EFCAB8: variants seen among roughly 807,000 people sequenced by gnomAD.
The protein encoded by EFCAB8 is EF-hand calcium binding domain 8, also known as EF-hand calcium-binding domain-containing protein 8.
In EFCAB8, 100 loss-of-function variants were observed where a neutral mutation model predicts 116.3. The observed-to-expected ratio is 0.86, with a 90% CI of 0.73 to 1.02. The LOEUF (loss-of-function observed/expected upper bound fraction) is 1.02. EFCAB8 is among the 50% of genes least tolerant of loss of function. The pLI is 0.00. For missense variants in EFCAB8, 1,320 were observed against 1,416.9 expected, an observed-to-expected ratio of 0.93 and a Z score of 1.10; for synonymous variants, 558 against 567.9, an observed-to-expected ratio of 0.98 and a Z score of 0.25.
intron 26 of EFCAB8, 149 bp from the exon 27 acceptor site, chr20:32,960,987 G>A (rs1169861062): frequency 4.4e-6 from 3 of 685,850 alleles, no homozygotes; most frequent in Non-Finnish European, 7.5e-6. Flanking sequence ...AGGCCACGGT[G>A]GTTAGTGGTA....
At position 32,961,528 on chromosome 20, in the gene EFCAB8, C is replaced by T; in HGVS notation, c.3786C>T (p.Val1262=). Residue 1262 remains valine, a synonymous_variant, in exon 27 of 27, where the codon GTC becomes GTT. Transcript: ENST00000400522. ...LQGSVTPKHI[V]SSFERPPRPL... ...GGTCAGTGACCCCCAAGCACATTGTCTCCTCCTTCGAGCGGCCCCCAAGGC... is the reference window on the plus strand; with the variant it reads ...GGTCAGTGACCCCCAAGCACATTGTTTCCTCCTTCGAGCGGCCCCCAAGGC... The T allele has an allele frequency of 2.1e-6, 3 of 1,417,072 alleles. No individual in the cohort carries two copies. Among genetic ancestry groups the T allele is most frequent in the South Asian group, 1.7e-5 (1 of 57,568 alleles). 87.8% of individuals were successfully genotyped at this position (1,417,072 alleles called of 1,614,324 possible). A position where few individuals can be genotyped will look rare whatever the true frequency, so the allele number is the denominator to read the frequency against.
rs35227113 is a variant in EFCAB8, at chr20:32,880,272, C to CTT, written c.431+1478_431+1479dup. On this transcript the variant is annotated intron_variant, in intron 5 of 26. Transcript: ENST00000400522. ...TTGAATGAAAGTCACCCAAGGGTAA[C>CTT]TTTTTTTTTTTTTTGAGACAGAGTC... Among the ~76,000 whole-genome samples the CTT allele has an allele frequency of 4.1e-3, 594 of 145,682 alleles. 3 individuals carry two copies. Among genetic ancestry groups the CTT allele is most frequent in the African/African-American group, 0.012 (487 of 39,684 alleles).
rs181666852 is a variant in EFCAB8 at position 32,942,533 on chromosome 20, C to A, written c.2791-1103C>A. On this transcript the variant is annotated intron_variant, in intron 22 of 26. Coordinates refer to ENST00000400522, the MANE Select transcript of EFCAB8 (RefSeq NM_001143967.2). ...GAGACCCCATCTCTAAAAAAAAAAA[C>A]CAATAAAAATATATTAAAAGATTAA... Among the ~76,000 whole-genome samples the A allele has an allele frequency of 5.0e-3, 750 of 151,238 alleles. 6 individuals are homozygous for A. The highest frequency in any genetic ancestry group is 0.017 in the African/African-American group (688 of 41,256).
chr20:32,875,346 T>C (rs1174717774), intron 3 of EFCAB8, among the ~76,000 whole-genome samples: 2 of 151,742 alleles, frequency 1.3e-5, no homozygotes, highest in Non-Finnish European at 2.9e-5. Context: ...GGGGCTGGAT[T>C]TGAGGTTTGA....
At chr20:32,947,790 A>G (rs1466972642) in intron 23 of EFCAB8, among the ~76,000 whole-genome samples, 1 of 152,010 alleles carries the variant, frequency 6.6e-6, no homozygotes, top group Non-Finnish European at 1.5e-5. Context: ...ACATTAAGAA[A>G]CTAGAAAGAG....
intron 7 of EFCAB8, among the ~76,000 whole-genome samples, chr20:32,891,605 A>G (rs1211885716): frequency 2.0e-5 from 3 of 152,218 alleles, no homozygotes; most frequent in African/African-American, 4.8e-5. Context: ...GACAAGGCCA[A>G]AAGCAGAGGT....
At chr20:32,919,577 A>G (rs772703402) in intron 19 of EFCAB8, among the ~76,000 whole-genome samples, 12 of 151,868 alleles carry the variant, frequency 7.9e-5, no homozygotes, top group Non-Finnish European at 1.5e-4. Flanking sequence ...GCTCAGTGCA[A>G]CCTCTGTCTC....
At chr20:32,925,013 C>T (rs201513355) in intron 20 of EFCAB8, among the ~76,000 whole-genome samples, 3 of 152,196 alleles carry the variant, frequency 2.0e-5, no homozygotes, top group East Asian at 3.9e-4. Flanking sequence ...CTCAGCCTTT[C>T]CTTAGTGGAA....
intron 19 of EFCAB8, 66 bp from the exon 20 acceptor site, chr20:32,920,012 T>A: frequency 6.5e-7 from 1 of 1,547,680 alleles, no homozygotes; most frequent in Non-Finnish European, 8.7e-7. Flanking sequence ...CTTCCTCTGG[T>A]CTCTGGTCCC....
chr20:32,940,045 C>T lies in EFCAB8; in HGVS notation c.2791-3591C>T, dbSNP rs183319013. ...CCTCCCTTCCTTCCTTCCTTCCTTCCTTCCTTCCTTCCTTCCTTCCTTCCT... is the reference window on the plus strand; with the variant it reads ...CCTCCCTTCCTTCCTTCCTTCCTTCTTTCCTTCCTTCCTTCCTTCCTTCCT... On this transcript the variant is annotated intron_variant, in intron 22 of 26. Transcript: ENST00000400522. Among the ~76,000 whole-genome samples, 532 of 113,772 alleles carry T rather than the reference C, an allele frequency of 4.7e-3. 37 individuals are homozygous for T. Among genetic ancestry groups the T allele is most frequent in the Middle Eastern group, 0.014 (3 of 212 alleles). 74.6% of individuals were successfully genotyped at this position (113,772 alleles called of 152,430 possible). A position where few individuals can be genotyped will look rare whatever the true frequency, so the allele number is the denominator to read the frequency against.
At position 32,878,811 on chromosome 20, in the gene EFCAB8, A is replaced by C; in HGVS notation, c.431+4A>C. On this transcript the variant is annotated splice_donor_region_variant and intron_variant, in intron 5 of 26. Coordinates refer to ENST00000400522, the MANE Select transcript of EFCAB8 (RefSeq NM_001143967.2). ...TTCCCATGACGGTCGTCCCCCTGTA[A>C]GGAGCCTCTTCCTGGGCCTTGGTGG... The C allele has an allele frequency of 6.4e-7, 1 of 1,551,964 alleles. No individual in the cohort carries two copies. Among genetic ancestry groups the C allele is most frequent in the Non-Finnish European group, 8.7e-7 (1 of 1,146,932 alleles).
chr20:32,907,360 G>A (rs867436394), intron 13 of EFCAB8, among the ~76,000 whole-genome samples: 2 of 150,872 alleles, frequency 1.3e-5, no homozygotes, highest in Non-Finnish European at 1.5e-5. Context: ...GTTCCCCTGC[G>A]CTGCCCCTGC....
intron 10 of EFCAB8, among the ~76,000 whole-genome samples, chr20:32,897,072 T>C (rs1986194785): frequency 6.6e-6 from 1 of 152,178 alleles, no homozygotes; most frequent in South Asian, 2.1e-4. Flanking sequence ...TTCCCGCCTC[T>C]GTGCCTCGGC....
At chr20:32,958,340 T>A in intron 23 of EFCAB8, 81 bp from the exon 24 acceptor site, 2 of 411,062 alleles carry the variant, frequency 4.9e-6, no homozygotes. Flanking sequence ...AGCTGACCCT[T>A]GAAGGGAGAG....
intron 9 of EFCAB8, among the ~76,000 whole-genome samples, chr20:32,894,582 C>T (rs577965956): frequency 2.0e-5 from 3 of 152,312 alleles, no homozygotes; most frequent in South Asian, 2.1e-4. Context: ...ACAAACATGA[C>T]GATGAGGTGG....
intron 22 of EFCAB8, among the ~76,000 whole-genome samples, chr20:32,937,299 T>C (rs1217283660): frequency 6.6e-6 from 1 of 152,096 alleles, no homozygotes; most frequent in Non-Finnish European, 1.5e-5. Context: ...AAACCACACT[T>C]TCTGTTGATT....
intron 22 of EFCAB8, among the ~76,000 whole-genome samples, chr20:32,942,521 T>TAA (rs928813997): frequency 2.1e-5 from 3 of 144,354 alleles, no homozygotes; most frequent in African/African-American, 5.1e-5. Context: ...ACCCCATCTC[T>TAA]AAAAAAAAAA....
chr20:32,956,089 A>T (rs1891777), intron 23 of EFCAB8, among the ~76,000 whole-genome samples: 103,471 of 151,890 alleles, frequency 0.68, 36,009 homozygotes, highest in African/African-American at 0.76. Flanking sequence ...TCAAATATTT[A>T]AAAAATTGTT....
chr20:32,878,419 C>T (rs1985105643), intron 4 of EFCAB8, among the ~76,000 whole-genome samples: 1 of 151,866 alleles, frequency 6.6e-6, no homozygotes, highest in Admixed American at 6.6e-5. Context: ...CTGCCCTGGC[C>T]AGTACTTGGG....
Sources: gnomAD v4.1 joint callset for allele counts (sites outside exome capture counted in the v4.1 genomes callset) on GRCh38, gnomAD v4.1.1 for gene constraint, MANE v1.5 for transcripts, NCBI Gene and HGNC (gene_info 2026-07-23, HGNC 2026-07-21) for gene names.